Variants in ENOX1 observed in about 807,000 individuals in gnomAD.
ENOX1 encodes candidate growth-related and time keeping constitutive hydroquinone (NADH) oxidase.
A neutral mutation model predicts 82.5 loss-of-function variants in ENOX1; 42 were observed. That is an observed-to-expected ratio of 0.51 (90% CI 0.40 to 0.66). The LOEUF is 0.66. Among genes scored for constraint, ENOX1 ranks in the 30% least tolerant of loss-of-function variants. ENOX1 has a pLI of 0.00. For synonymous variants in ENOX1, 271 were observed against 282.2 expected, an observed-to-expected ratio of 0.96 and a Z score of 0.40; for missense variants, 608 against 811.6, an observed-to-expected ratio of 0.75 and a Z score of 3.05.
At chr13:43,443,128 C>G (rs1172195578) in intron 3 of ENOX1, among the ~76,000 whole-genome samples, 1 of 152,056 alleles carries the variant, frequency 6.6e-6, no homozygotes, top group Non-Finnish European at 1.5e-5. Context: ...ATAAACAGCT[C>G]CCTTAGTGCA....
At position 43,704,865 on chromosome 13, in the gene ENOX1, G is replaced by C. The variant is rs75500441; in HGVS notation, c.-284-37321C>G. ...ATTTAAGTCCTGCCAGATAGTGGGG[G>C]CTTGGCAAATAACTTGGGCTTTCTA... On this transcript the variant is annotated intron_variant, in intron 1 of 16. Transcript: ENST00000690772. Among the ~76,000 whole-genome samples, 431 of 152,258 alleles carry C rather than the reference G, an allele frequency of 2.8e-3. 2 individuals carry two copies. The highest frequency in any genetic ancestry group is 4.7e-3 in the Non-Finnish European group (320 of 68,010).
intron 1 of ENOX1, among the ~76,000 whole-genome samples, chr13:43,726,718 T>G (rs74667123): frequency 4.1e-5 from 6 of 144,698 alleles, no homozygotes; most frequent in African/African-American, 7.6e-5. Flanking sequence ...GCATTGACTT[T>G]TGTGTGTGTG....
rs756581356 is a variant in ENOX1 at position 43,298,416 on chromosome 13, C to T, written c.1376G>A (p.Arg459Gln). The T allele has an allele frequency of 6.2e-6, 10 of 1,613,772 alleles. No homozygotes were observed. The highest frequency in any genetic ancestry group is 4.4e-5 in the South Asian group (4 of 91,066). Residue 459 changes from arginine (R) to glutamine (Q), a missense_variant, in exon 12 of 17, where the codon CGA becomes CAA. Arg to Gln is a conservative substitution (Grantham distance 43, BLOSUM62 1). Coordinates refer to ENST00000690772, the MANE Select transcript of ENOX1 (RefSeq NM_001347969.2). ...LLKQEKEQLF[R>Q]TEENLTKDQQ... is the part of the protein sequence containing the mutation. ...GTCCTTGGTGAGGTTTTCTTCTGTTCGGAAAAGCTGTTCTTTTTCTTGTTT... is the reference window on the plus strand; with the variant it reads ...GTCCTTGGTGAGGTTTTCTTCTGTTTGGAAAAGCTGTTCTTTTTCTTGTTT...
At chr13:43,501,264 A>G (rs2076970954) in intron 2 of ENOX1, among the ~76,000 whole-genome samples, 1 of 151,818 alleles carries the variant, frequency 6.6e-6, no homozygotes, top group Admixed American at 6.6e-5. Context: ...CACAAGAGAC[A>G]AAGATCATTA....
chr13:43,238,484 G>A (rs1328268911), intron 14 of ENOX1, among the ~76,000 whole-genome samples: 1 of 152,196 alleles, frequency 6.6e-6, no homozygotes, highest in Non-Finnish European at 1.5e-5. Flanking sequence ...TTCTAGGGTA[G>A]TGGGGTCAAT....
intron 1 of ENOX1, among the ~76,000 whole-genome samples, chr13:43,765,645 T>A (rs1951218945): frequency 6.6e-6 from 1 of 152,200 alleles, no homozygotes; most frequent in South Asian, 2.1e-4. Context: ...AGAGCTGCAG[T>A]AACATTAGGA....
intron 9 of ENOX1, among the ~76,000 whole-genome samples, chr13:43,343,655 A>G (rs2049197942): frequency 6.6e-6 from 1 of 152,184 alleles, no homozygotes; most frequent in Non-Finnish European, 1.5e-5. Flanking sequence ...TTGGCACACT[A>G]TATCACAGAA....
intron 11 of ENOX1, among the ~76,000 whole-genome samples, chr13:43,306,014 G>C (rs1278417742): frequency 2.0e-5 from 3 of 152,204 alleles, no homozygotes; most frequent in Admixed American, 1.3e-4. Flanking sequence ...TACAGATATG[G>C]AACCTGGTAG....
At position 43,673,802 on chromosome 13, in the gene ENOX1, C is replaced by T. The variant is rs562210348; in HGVS notation, c.-284-6258G>A. On this transcript the variant is annotated intron_variant, in intron 1 of 16. Coordinates refer to ENST00000690772, the MANE Select transcript of ENOX1 (RefSeq NM_001347969.2). The stretch of plus-strand genomic sequence containing the variant: ...CACTCATTTTATATCTGACTTGTCT[C>T]CTAATTTGCTTTTTATGTTATACAC... 1.5e-4 allele frequency among the ~76,000 whole-genome samples: 23 copies of T among 152,328 alleles called. 1 individual carries two copies. In the South Asian group the frequency reaches 4.1e-3, roughly 27 times the overall value.
At chr13:43,388,871 G>A (rs1400862608) in intron 5 of ENOX1, among the ~76,000 whole-genome samples, 4 of 152,156 alleles carry the variant, frequency 2.6e-5, no homozygotes, top group Admixed American at 6.5e-5. Flanking sequence ...CCAACTGTGA[G>A]TCTGGAAACA....
chr13:43,742,650 C>A (rs1361987669), intron 1 of ENOX1, among the ~76,000 whole-genome samples: 1 of 152,122 alleles, frequency 6.6e-6, no homozygotes, highest in African/African-American at 2.4e-5. Flanking sequence ...CATTCTTTGG[C>A]CTTGTCAAGT....
At chr13:43,769,699 T>A (rs1310728720) in intron 1 of ENOX1, among the ~76,000 whole-genome samples, 1 of 152,196 alleles carries the variant, frequency 6.6e-6, no homozygotes, top group African/African-American at 2.4e-5. Context: ...TAGAATACAT[T>A]CCTCTCCATC....
At chr13:43,537,679 G>T (rs1032820203) in intron 2 of ENOX1, among the ~76,000 whole-genome samples, 3 of 152,166 alleles carry the variant, frequency 2.0e-5, no homozygotes, top group Non-Finnish European at 1.5e-5. Context: ...AATTATAAAA[G>T]ATCTTGTGAT....
intron 1 of ENOX1, among the ~76,000 whole-genome samples, chr13:43,702,953 CAAAAAAAAAAAAAAAAAA>C (rs60810191): frequency 3.9e-5 from 2 of 51,010 alleles, no homozygotes; most frequent in Admixed American, 6.9e-4. Flanking sequence ...GACTCTGTCT[CAAAAAAAAAAAAAAAAAA>C]AAAAAAAAAA....
chr13:43,482,963 G>A (rs2058563773), intron 3 of ENOX1, among the ~76,000 whole-genome samples: 1 of 152,060 alleles, frequency 6.6e-6, no homozygotes, highest in Admixed American at 6.6e-5. Flanking sequence ...TAATCATGAG[G>A]CCCAACAGCG....
intron 2 of ENOX1, among the ~76,000 whole-genome samples, chr13:43,538,258 A>G (rs1454491990): frequency 6.6e-6 from 1 of 152,196 alleles, no homozygotes; most frequent in Non-Finnish European, 1.5e-5. Flanking sequence ...TTTTTAAAAA[A>G]CCATAGAGAA....
At chr13:43,215,500 C>T (rs942145547) in intron 16 of ENOX1, among the ~76,000 whole-genome samples, 1 of 152,236 alleles carries the variant, frequency 6.6e-6, no homozygotes, top group African/African-American at 2.4e-5. Flanking sequence ...CCAGTGTTCT[C>T]ATTTCATTCT....
chr13:43,298,628 G>T, intron 11 of ENOX1, 98 bp from the exon 12 acceptor site: 3 of 1,145,326 alleles, frequency 2.6e-6, no homozygotes, highest in East Asian at 2.5e-5. Flanking sequence ...AGTTCTTAAT[G>T]TTTGTACCAG....
At chr13:43,228,681 T>G (rs1264527243) in intron 15 of ENOX1, among the ~76,000 whole-genome samples, 1 of 152,214 alleles carries the variant, frequency 6.6e-6, no homozygotes, top group East Asian at 1.9e-4. Flanking sequence ...TTTGTACTGC[T>G]TCATCACTTA....
Sources: allele counts gnomAD v4.1 joint callset (sites outside exome capture counted in the v4.1 genomes callset), GRCh38; gene constraint gnomAD v4.1.1; transcripts MANE v1.5; gene names NCBI Gene and HGNC (gene_info 2026-07-23, HGNC 2026-07-21).